The following ADORA2B variants were observed in gnomAD, a reference collection of about 807,000 sequenced individuals.
ADORA2B encodes adenosine A2b receptor.
A neutral mutation model predicts 20.8 loss-of-function variants in ADORA2B; 18 were observed. That is an observed-to-expected ratio of 0.87 (90% CI 0.60 to 1.29). The LOEUF (loss-of-function observed/expected upper bound fraction) is 1.29. Among genes scored for constraint, ADORA2B ranks in the 50% most tolerant of loss-of-function variants. The probability of loss-of-function intolerance (pLI) is 0.00; values close to 1 mark genes in which losing one functional copy is unlikely to be tolerated. For missense variants in ADORA2B, 441 were observed against 422.7 expected, an observed-to-expected ratio of 1.04 and a Z score of -0.38; for synonymous variants, 179 against 178.3, an observed-to-expected ratio of 1.00 and a Z score of -0.03.
chr17:15,884,003 A>G, the ADORA2B span, among the ~76,000 whole-genome samples: 6 of 152,222 alleles, frequency 3.9e-5, no homozygotes, highest in Admixed American at 3.9e-4. Flanking sequence ...TTTTATATCC[A>G]GTTTACGAAT....
At chr17:15,880,013 C>T in the ADORA2B span, among the ~76,000 whole-genome samples, 15 of 148,482 alleles carry the variant, frequency 1.0e-4, no homozygotes, top group Non-Finnish European at 1.8e-4. Flanking sequence ...GGACTGATAC[C>T]CTTGTTTTGG....
the ADORA2B span, among the ~76,000 whole-genome samples, chr17:15,877,025 TA>T: frequency 3.9e-5 from 6 of 152,206 alleles, no homozygotes; most frequent in Non-Finnish European, 7.3e-5. Context: ...TTGTCTGGCT[TA>T]TTTCGCTTAG....
At chr17:15,961,886 C>T (rs530000442) in intron 1 of ADORA2B, among the ~76,000 whole-genome samples, 4 of 152,288 alleles carry the variant, frequency 2.6e-5, no homozygotes, top group Admixed American at 6.5e-5. Flanking sequence ...AGGCCAGAGC[C>T]CTCATGACCT....
the ADORA2B span, among the ~76,000 whole-genome samples, chr17:15,872,376 C>T: frequency 4.6e-5 from 7 of 152,030 alleles, no homozygotes; most frequent in South Asian, 2.1e-4. Flanking sequence ...TGGTTAGGAT[C>T]GCTTTGGCTA....
chr17:15,974,950 A>G lies in ADORA2B; in HGVS notation c.607A>G (p.Ile203Val). The G allele has an allele frequency of 1.2e-6, 2 of 1,614,116 alleles. No homozygotes were observed. Among genetic ancestry groups the G allele is most frequent in the Admixed American group, 1.7e-5 (1 of 60,010 alleles). Residue 203 changes from isoleucine to valine, a missense_variant, in exon 2 of 2, where the codon ATT becomes GTT. Ile to Val is a conservative substitution (Grantham distance 29). Coordinates refer to ENST00000304222, the MANE Select transcript of ADORA2B (RefSeq NM_000676.4). ...ACTGCTTATAATGCTGGTGATCTAC[A>G]TTAAGATCTTCCTGGTGGCCTGCAG... Reference protein sequence around the residue: ...PPLLIMLVIYIKIFLVACRQL... With the variant: ...PPLLIMLVIYVKIFLVACRQL...
the ADORA2B span, among the ~76,000 whole-genome samples, chr17:15,922,254 T>C: frequency 6.6e-6 from 1 of 152,202 alleles, no homozygotes; most frequent in Non-Finnish European, 1.5e-5. Flanking sequence ...CAGGCAAATG[T>C]GAGTAGCATC....
the ADORA2B span, among the ~76,000 whole-genome samples, chr17:15,905,434 G>A: frequency 1.3e-5 from 2 of 152,178 alleles, no homozygotes; most frequent in East Asian, 3.9e-4. Flanking sequence ...AGACTGGAGT[G>A]CAGTGGCGCA....
the ADORA2B span, among the ~76,000 whole-genome samples, chr17:15,881,628 G>A: frequency 1.1e-4 from 16 of 152,138 alleles, no homozygotes; most frequent in Non-Finnish European, 1.8e-4. Flanking sequence ...ATTTTGCTTT[G>A]TCTCTGAATT....
At chr17:15,899,525 G>A in the ADORA2B span, among the ~76,000 whole-genome samples, 1 of 152,098 alleles carries the variant, frequency 6.6e-6, no homozygotes, top group Non-Finnish European at 1.5e-5. Flanking sequence ...CTGAGGTTTG[G>A]GGTATGATTG....
the ADORA2B span, chr17:15,858,905 C>T: frequency 6.6e-6 from 1 of 152,258 alleles, no homozygotes; most frequent in South Asian, 2.1e-4. Flanking sequence ...TTAGATCCAG[C>T]AGTGCAGCTG....
chr17:15,956,766 AT>A (rs1251887413), intron 1 of ADORA2B, among the ~76,000 whole-genome samples: 1 of 151,550 alleles, frequency 6.6e-6, no homozygotes, highest in Non-Finnish European at 1.5e-5. Flanking sequence ...TGCCCAGCTG[AT>A]TTTTGTGTTT....
the ADORA2B span, among the ~76,000 whole-genome samples, chr17:15,879,239 C>T: frequency 6.6e-6 from 1 of 151,970 alleles, no homozygotes. Flanking sequence ...TCGCTTGAGG[C>T]CAGGAGTTTG....
the ADORA2B span, among the ~76,000 whole-genome samples, chr17:15,873,001 C>CA: frequency 1.3e-5 from 2 of 152,104 alleles, no homozygotes; most frequent in Admixed American, 1.3e-4. Flanking sequence ...GGAATGTGTT[C>CA]AACTTTTCCC....
the ADORA2B span, among the ~76,000 whole-genome samples, chr17:15,900,584 C>G: frequency 6.6e-6 from 1 of 151,622 alleles, no homozygotes; most frequent in African/African-American, 2.4e-5. Flanking sequence ...GTAGCTAGGA[C>G]TACATGCATG....
At chr17:15,910,893 G>T in the ADORA2B span, among the ~76,000 whole-genome samples, 2 of 152,206 alleles carry the variant, frequency 1.3e-5, no homozygotes, top group Non-Finnish European at 2.9e-5. Context: ...AAGAGACTCT[G>T]CCCTGGCTCT....
chr17:15,862,649 T>C, the ADORA2B span, among the ~76,000 whole-genome samples: 1 of 152,072 alleles, frequency 6.6e-6, no homozygotes, highest in African/African-American at 2.4e-5. Context: ...CAGTAAATGT[T>C]CAGCTTACCT....
chr17:15,863,269 A>G, the ADORA2B span, among the ~76,000 whole-genome samples: 15 of 152,336 alleles, frequency 9.8e-5, no homozygotes, highest in South Asian at 1.0e-3. Flanking sequence ...TTTCAATTTT[A>G]CATTTATCTC....
At chr17:15,909,383 A>G in the ADORA2B span, among the ~76,000 whole-genome samples, 1 of 152,308 alleles carries the variant, frequency 6.6e-6, no homozygotes, top group Admixed American at 6.5e-5. Context: ...AACACCTAGA[A>G]CTTGATAACA....
chr17:15,892,179 A>G, the ADORA2B span, among the ~76,000 whole-genome samples: 2 of 146,720 alleles, frequency 1.4e-5, no homozygotes, highest in South Asian at 2.2e-4. Context: ...TTTTTGAGAC[A>G]GAGTTTGAGA....
Sources: allele counts gnomAD v4.1 joint callset (sites outside exome capture counted in the v4.1 genomes callset), GRCh38; gene constraint gnomAD v4.1.1; transcripts MANE v1.5; gene names NCBI Gene and HGNC (gene_info 2026-07-23, HGNC 2026-07-21).